The following PDE4B variants were observed in gnomAD, a reference collection of about 807,000 sequenced individuals.
The protein encoded by PDE4B is 3',5'-cyclic-AMP phosphodiesterase 4B.
Under a neutral mutation model 82.2 loss-of-function variants are expected in PDE4B, and 20 were observed. The ratio of observed to expected loss-of-function variants is 0.24; its 90% CI spans 0.17 to 0.35. PDE4B has a LOEUF of 0.35. Ranked by LOEUF, PDE4B falls within the 10% of genes least tolerant of loss-of-function variation. The pLI is 1.00. For synonymous variants in PDE4B, 320 were observed against 318.9 expected (o/e 1.00, Z -0.04); for missense variants, 655 against 907.2 (o/e 0.72, Z 3.57).
intron 3 of PDE4B, among the ~76,000 whole-genome samples, chr1:66,089,226 G>C (rs1352084467): frequency 6.6e-6 from 1 of 152,090 alleles, no homozygotes; most frequent in African/African-American, 2.4e-5. Flanking sequence ...GTGAGAATTA[G>C]AGACAAGGTA....
Position 66,361,808 on chromosome 1 carries a change from A to G in PDE4B, c.1020+15A>G. ...ACCTGGCCAAGGTGTGTATAAGCTC[A>G]GGTTTTGTGCATGTAGCTCTCTGCT... On this transcript the variant is annotated intron_variant, in intron 10 of 16. Transcript: ENST00000341517. The G allele has an allele frequency of 6.3e-7, 1 of 1,598,706 alleles. No homozygotes were observed. Among genetic ancestry groups the G allele is most frequent in the South Asian group, 1.1e-5 (1 of 89,718 alleles).
At chr1:65,942,870 G>C (rs1197197349) in intron 3 of PDE4B, among the ~76,000 whole-genome samples, 1 of 151,398 alleles carries the variant, frequency 6.6e-6, no homozygotes, top group Non-Finnish European at 1.5e-5. Context: ...TTTAAAATTA[G>C]TATTGAGTTG....
chr1:66,241,388 T>A (rs771026229), intron 3 of PDE4B, among the ~76,000 whole-genome samples: 39 of 152,218 alleles, frequency 2.6e-4, no homozygotes, highest in Non-Finnish European at 4.9e-4. Flanking sequence ...TCTCTGTCTA[T>A]AGGGATCAGA....
At chr1:66,302,172 C>T (rs143331425) in intron 7 of PDE4B, among the ~76,000 whole-genome samples, 162 of 152,310 alleles carry the variant, frequency 1.1e-3, no homozygotes, top group Admixed American at 1.6e-3. Flanking sequence ...ACCCACTGGC[C>T]TTGGAGACAG....
chr1:66,365,002 T>A (rs1342068712), intron 12 of PDE4B, among the ~76,000 whole-genome samples: 1 of 152,152 alleles, frequency 6.6e-6, no homozygotes, highest in Non-Finnish European at 1.5e-5. Context: ...TATACCTTAT[T>A]AATACTAGGT....
At chr1:66,079,076 A>T (rs1188477852) in intron 3 of PDE4B, among the ~76,000 whole-genome samples, 3 of 152,026 alleles carry the variant, frequency 2.0e-5, no homozygotes, top group Non-Finnish European at 4.4e-5. Flanking sequence ...TATAGTGTAT[A>T]TTGATTCTCT....
At chr1:66,169,414 C>T (rs1340892106) in intron 3 of PDE4B, among the ~76,000 whole-genome samples, 1 of 152,204 alleles carries the variant, frequency 6.6e-6, no homozygotes, top group Non-Finnish European at 1.5e-5. Context: ...TCCAGTCACA[C>T]TGTTATTTCT....
intron 3 of PDE4B, among the ~76,000 whole-genome samples, chr1:66,204,729 T>A (rs1486740765): frequency 6.6e-6 from 1 of 152,224 alleles, no homozygotes; most frequent in Non-Finnish European, 1.5e-5. Flanking sequence ...TGACCCGATT[T>A]TCCAGGTGCC....
At chr1:65,919,781 G>T (rs1198692482) in intron 3 of PDE4B, among the ~76,000 whole-genome samples, 1 of 152,140 alleles carries the variant, frequency 6.6e-6, no homozygotes, top group Non-Finnish European at 1.5e-5. Flanking sequence ...CTCCAGGGCT[G>T]ATGAGTAGCC....
chr1:66,351,834 T>C (rs1026579593), intron 8 of PDE4B, among the ~76,000 whole-genome samples: 8 of 152,228 alleles, frequency 5.3e-5, no homozygotes, highest in African/African-American at 1.9e-4. Flanking sequence ...CAACTAAGCC[T>C]AGCTCCTCAA....
intron 1 of PDE4B, among the ~76,000 whole-genome samples, chr1:65,828,821 A>C (rs1355540380): frequency 6.6e-6 from 1 of 152,192 alleles, no homozygotes; most frequent in Non-Finnish European, 1.5e-5. Flanking sequence ...TAATAAGTCA[A>C]TTTAGGAAAT....
At chr1:65,803,624 A>C (rs1645721098) in intron 1 of PDE4B, among the ~76,000 whole-genome samples, 1 of 152,190 alleles carries the variant, frequency 6.6e-6, no homozygotes, top group Non-Finnish European at 1.5e-5. Flanking sequence ...CCAGATATAA[A>C]AAGTCCTTTG....
chr1:65,857,411 ACTCTT>A, intron 1 of PDE4B, among the ~76,000 whole-genome samples: 1 of 151,882 alleles, frequency 6.6e-6, no homozygotes, highest in African/African-American at 2.4e-5. Context: ...TCTTAGCATT[ACTCTT>A]CTCTTTACTT....
chr1:66,319,544 A>G (rs896659443), intron 7 of PDE4B, among the ~76,000 whole-genome samples: 2 of 152,254 alleles, frequency 1.3e-5, no homozygotes, highest in African/African-American at 4.8e-5. Flanking sequence ...GCAATAGCTC[A>G]TCTTCTTAAA....
chr1:66,182,671 A>T (rs485701), intron 3 of PDE4B, among the ~76,000 whole-genome samples: 146,329 of 152,200 alleles, frequency 0.96, 70,596 homozygotes, highest in East Asian at 1. Context: ...GTTGGTGCAT[A>T]GCAGCTGTCT....
chr1:66,068,273 G>A (rs1557538142), intron 3 of PDE4B, among the ~76,000 whole-genome samples: 1 of 151,832 alleles, frequency 6.6e-6, no homozygotes. Flanking sequence ...TATCCCCAGG[G>A]ATACAGAGAA....
intron 7 of PDE4B, among the ~76,000 whole-genome samples, chr1:66,331,341 C>G (rs1354364247): frequency 6.6e-6 from 1 of 152,156 alleles, no homozygotes; most frequent in African/African-American, 2.4e-5. Context: ...CTCTCAAAAA[C>G]AGTCGTGTAT....
At chr1:65,937,159 T>C (rs1490309560) in intron 3 of PDE4B, among the ~76,000 whole-genome samples, 1 of 152,328 alleles carries the variant, frequency 6.6e-6, no homozygotes, top group African/African-American at 2.4e-5. Context: ...GGCTGTGCTT[T>C]GCTTCTGTAA....
At chr1:66,066,176 A>T (rs1029359394) in intron 3 of PDE4B, among the ~76,000 whole-genome samples, 13 of 151,732 alleles carry the variant, frequency 8.6e-5, no homozygotes, top group Non-Finnish European at 1.8e-4. Context: ...TCAGTATTCA[A>T]TCCTTATCAA....
Sources: gnomAD v4.1 joint callset for allele counts (sites outside exome capture counted in the v4.1 genomes callset) on GRCh38, gnomAD v4.1.1 for gene constraint, MANE v1.5 for transcripts, NCBI Gene and HGNC (gene_info 2026-07-23, HGNC 2026-07-21) for gene names.